The following BICRA variants were observed in gnomAD, a reference collection of about 807,000 sequenced individuals.
The protein encoded by BICRA is BRD4-interacting chromatin-remodeling complex-associated protein.
A neutral mutation model predicts 96.9 loss-of-function variants in BICRA; 31 were observed. That is an observed-to-expected ratio of 0.32 (90% confidence interval 0.24 to 0.43). The LOEUF (loss-of-function observed/expected upper bound fraction) is 0.43, where lower values mean the gene tolerates loss of function less well. BICRA is among the 20% of genes least tolerant of loss of function. BICRA has a pLI of 1.00. For missense variants in BICRA, 2,283 were observed against 2,190.3 expected (o/e 1.04, Z -0.84); for synonymous variants, 1,350 against 1,071.8 (o/e 1.26, Z -5.07).
At position 47,680,202 on chromosome 19, in the gene BICRA, G is replaced by C; in HGVS notation, c.1032G>C (p.Leu344=). The change falls in exon 6 of 15, where the codon CTG becomes CTC. Residue 344 remains leucine, a synonymous_variant. Coordinates refer to ENST00000594866, the MANE Select transcript of BICRA (RefSeq NM_001394372.1). ...SPLVPAPNVI[L]HRTPTPIQPK... is the part of the protein sequence containing the mutation. ...TGGTCCCGGCGCCCAACGTGATCCT[G>C]CATCGCACACCCACGCCCATCCAGC... 2 of 1,552,480 alleles carry C rather than the reference G, an allele frequency of 1.3e-6. No individual in the cohort carries two copies. Among genetic ancestry groups the C allele is most frequent in the African/African-American group, 1.4e-5 (1 of 72,930 alleles).
chr19:47,685,786 T>TGTGTGTGCGCGCGCGCGCGCGCGC, intron 7 of BICRA, among the ~76,000 whole-genome samples: 1 of 117,926 alleles, frequency 8.5e-6, no homozygotes, highest in African/African-American at 3.6e-5. Context: ...TGTGTGTGTG[T>TGTGTGTGCGCGCGCGCGCGCGCGC]GCGCGCGCGC....
At chr19:47,615,547 A>T (rs1436717483) in intron 1 of BICRA, among the ~76,000 whole-genome samples, 67 of 152,276 alleles carry the variant, frequency 4.4e-4, no homozygotes, top group Non-Finnish European at 1.9e-4. Flanking sequence ...GGCTGTGGAC[A>T]GGGGACTTGC....
chr19:47,694,083 G>GGCCCCCCC, intron 7 of BICRA, 32 bp from the exon 8 acceptor site: 1 of 1,093,876 alleles, frequency 9.1e-7, no homozygotes, highest in South Asian at 2.2e-5. Flanking sequence ...TCTGACCCCC[G>GGCCCCCCC]CCCCTCCCCT....
Position 47,702,632 on chromosome 19 carries a change from G to C in BICRA, c.*217G>C. 3.7e-6 allele frequency: 2 copies of C among 541,378 alleles called. No individual in the cohort carries two copies. The highest frequency in any genetic ancestry group is 5.4e-5 in the South Asian group (2 of 36,896). 33.5% of individuals were successfully genotyped at this position (541,378 alleles called of 1,614,324 possible). A position where few individuals can be genotyped will look rare whatever the true frequency, so the allele number is the denominator to read the frequency against. ...TAGGGAGGGGGCTGTGATGTAAAAC[G>C]TCTCCCCTGCCAAAGGAGGGGCAAA... is the stretch of plus-strand genomic sequence containing the variant. On this transcript the variant is annotated 3_prime_UTR_variant, in exon 15 of 15. Transcript: ENST00000594866.
intron 7 of BICRA, among the ~76,000 whole-genome samples, 165 bp from the exon 8 acceptor site, chr19:47,693,950 C>T (rs1372088713): frequency 6.6e-6 from 1 of 151,686 alleles, no homozygotes; most frequent in African/African-American, 2.4e-5. Flanking sequence ...GAATGAGAGG[C>T]GAGGGAGGGA....
In BICRA at chr19:47,681,155, C is replaced by A; in HGVS notation, c.1985C>A (p.Thr662Asn). 6.6e-7 allele frequency: 1 copy of A among 1,517,506 alleles called. No individual in the cohort carries two copies. The highest frequency in any genetic ancestry group is 8.8e-7 in the Non-Finnish European group (1 of 1,131,506). The allele number at this position is 1,517,506 out of a possible 1,614,324, so 94.0% of individuals were successfully genotyped here. A position where few individuals can be genotyped will look rare whatever the true frequency, so the allele number is the denominator to read the frequency against. Residue 662 changes from threonine (T) to asparagine (N), a missense_variant, in exon 6 of 15, where the codon ACC becomes AAC. Transcript: ENST00000594866. ...TPQAAAPPQA[T>N]TPQPSPGLAS... ...CAGGCCGCCGCCCCGCCTCAGGCCA[C>A]CACCCCCCAGCCCAGCCCTGGCCTG... is the stretch of plus-strand genomic sequence containing the variant.
At chr19:47,623,305 G>T (rs1244932485) in intron 1 of BICRA, among the ~76,000 whole-genome samples, 1 of 152,006 alleles carries the variant, frequency 6.6e-6, no homozygotes, top group Non-Finnish European at 1.5e-5. Flanking sequence ...TTAGAGGGTC[G>T]CCTTGTTGGT....
At chr19:47,674,093 G>A (rs1472965039) in intron 4 of BICRA, among the ~76,000 whole-genome samples, 1 of 152,198 alleles carries the variant, frequency 6.6e-6, no homozygotes, top group African/African-American at 2.4e-5. Flanking sequence ...TTTAGATAGT[G>A]TGATCAGAAA....
chr19:47,694,852 A>G (rs1041307301), intron 8 of BICRA, 48 bp from the exon 9 acceptor site: 1 of 1,365,598 alleles, frequency 7.3e-7, no homozygotes, highest in Non-Finnish European at 9.9e-7. Context: ...GGACACCCCT[A>G]CACCTAGCCT....
intron 1 of BICRA, among the ~76,000 whole-genome samples, chr19:47,646,885 ATCTAT>A (rs567950160): frequency 4.1e-4 from 62 of 152,246 alleles, no homozygotes; most frequent in African/African-American, 1.4e-3. Context: ...CATCACCATA[ATCTAT>A]TATAGAACAT....
chr19:47,699,488 GTGGGT>G lies in BICRA; in HGVS notation c.3595+84_3595+88del, dbSNP rs1973407434. 1 of 796,000 alleles carries G rather than the reference GTGGGT, an allele frequency of 1.3e-6. No homozygotes were observed. The highest frequency in any genetic ancestry group is 1.5e-5 in the South Asian group (1 of 65,626). 49.3% of individuals were successfully genotyped at this position (796,000 alleles called of 1,614,324 possible). A position where few individuals can be genotyped will look rare whatever the true frequency, so the allele number is the denominator to read the frequency against. On this transcript the variant is annotated intron_variant, in intron 14 of 14. Transcript: ENST00000594866. The surrounding 1 kb of genome is among the most constrained non-coding windows in gnomAD (Gnocchi z 5.0). ...AGAAGAGTTAGATTCAGGGCGGGGAGTGGGTGTGTGGCCCTACCTCACTCCACCAC... is the reference window on the plus strand; with the variant it reads ...AGAAGAGTTAGATTCAGGGCGGGGAGGTGTGGCCCTACCTCACTCCACCAC...
intron 1 of BICRA, among the ~76,000 whole-genome samples, chr19:47,657,058 T>C (rs1026032650): frequency 1.3e-5 from 2 of 152,016 alleles, no homozygotes; most frequent in African/African-American, 4.8e-5. Flanking sequence ...AGACAGGGTT[T>C]CACTGTGTTA....
intron 1 of BICRA, among the ~76,000 whole-genome samples, chr19:47,659,733 C>T (rs1195659621): frequency 8.7e-6 from 1 of 114,648 alleles, no homozygotes; most frequent in African/African-American, 3.0e-5. Context: ...CACACACACA[C>T]GTTCTCTTCT....
chr19:47,619,383 C>T (rs914989533), intron 1 of BICRA, among the ~76,000 whole-genome samples: 4 of 151,808 alleles, frequency 2.6e-5, no homozygotes, highest in African/African-American at 9.7e-5. Flanking sequence ...CTCAGCCTTC[C>T]GAGTAGCTGG....
At chr19:47,667,752 C>A (rs1467053750) in intron 1 of BICRA, among the ~76,000 whole-genome samples, 1 of 152,194 alleles carries the variant, frequency 6.6e-6, no homozygotes, top group Admixed American at 6.5e-5. Context: ...TTTTCCAATC[C>A]GAAGCATCCC....
chr19:47,699,523 C>G lies in BICRA; in HGVS notation c.3595+118C>G. 3.1e-6 allele frequency: 2 copies of G among 653,968 alleles called. No individual in the cohort carries two copies. The highest frequency in any genetic ancestry group is 2.7e-5 in the East Asian group (1 of 36,376). 40.5% of individuals were successfully genotyped at this position (653,968 alleles called of 1,614,324 possible). A position where few individuals can be genotyped will look rare whatever the true frequency, so the allele number is the denominator to read the frequency against. ...GGCCCTACCTCACTCCACCACTAGGCGGTGCCCCAGCTCCACCTTCCTGCT... is the reference window on the plus strand; with the variant it reads ...GGCCCTACCTCACTCCACCACTAGGGGGTGCCCCAGCTCCACCTTCCTGCT... On this transcript the variant is annotated intron_variant, in intron 14 of 14. Transcript: ENST00000594866. This position sits in a 1 kb window ranked among gnomAD's most constrained non-coding sequence, Gnocchi z 5.0.
At chr19:47,608,635 A>G (rs1238687746), upstream of BICRA, among the ~76,000 whole-genome samples, 1 of 151,398 alleles carries the variant, frequency 6.6e-6, no homozygotes, top group Non-Finnish European at 1.5e-5. Context: ...ACTACACCCG[A>G]GCTCGAGCAG....
chr19:47,615,617 C>T (rs1488421291), intron 1 of BICRA: 1 of 152,028 alleles, frequency 6.6e-6, no homozygotes, highest in Non-Finnish European at 1.5e-5. Context: ...CTTGGTAAGG[C>T]TCTTGTGAGG....
Position 47,701,257 on chromosome 19 carries a change from A to G in BICRA, c.3596-71A>G. ...GGCAGGTAGTAGGTGCTCACTGCAC[A>G]CAGCTCCTCCCAGCTCGGTCGGGGG... On this transcript the variant is annotated intron_variant, in intron 14 of 14. Coordinates refer to ENST00000594866, the MANE Select transcript of BICRA (RefSeq NM_001394372.1). This position sits in a 1 kb window ranked among gnomAD's most constrained non-coding sequence, Gnocchi z 5.4. 1.8e-6 allele frequency: 2 copies of G among 1,089,592 alleles called. No individual in the cohort carries two copies. Among genetic ancestry groups the G allele is most frequent in the Admixed American group, 1.9e-5 (1 of 51,372 alleles). 67.5% of individuals were successfully genotyped at this position (1,089,592 alleles called of 1,614,324 possible). A position where few individuals can be genotyped will look rare whatever the true frequency, so the allele number is the denominator to read the frequency against.
Sources: gnomAD v4.1 joint callset for allele counts (sites outside exome capture counted in the v4.1 genomes callset) on GRCh38, gnomAD v4.1.1 for gene constraint, Gnocchi (gnomAD v3.1) non-coding constraint, MANE v1.5 for transcripts, NCBI Gene and HGNC (gene_info 2026-07-23, HGNC 2026-07-21) for gene names.